DIP2A: variants seen among roughly 807,000 people sequenced by gnomAD.
DIP2A encodes the protein disco-interacting protein 2 homolog A.
A neutral mutation model predicts 177.4 loss-of-function variants in DIP2A; 85 were observed. That is an observed-to-expected ratio of 0.48 (90% CI 0.40 to 0.57). The LOEUF is 0.57. Among genes scored for constraint, DIP2A ranks in the 20% least tolerant of loss-of-function variants. The pLI, the probability that DIP2A is intolerant of heterozygous loss-of-function variation, is 0.00. For synonymous variants in DIP2A, 886 were observed against 881.8 expected, an observed-to-expected ratio of 1.00 and a Z score of -0.08; for missense variants, 1,791 against 2,100.2, an observed-to-expected ratio of 0.85 and a Z score of 2.88.
At chr21:46,472,934 C>G (rs920187685) in intron 1 of DIP2A, among the ~76,000 whole-genome samples, 3 of 152,162 alleles carry the variant, frequency 2.0e-5, no homozygotes, top group African/African-American at 7.2e-5. Flanking sequence ...ATGGTGGCCA[C>G]CAGCCACATG....
the DIP2A span, among the ~76,000 whole-genome samples, chr21:46,577,191 A>G: frequency 1.3e-5 from 2 of 152,210 alleles, no homozygotes; most frequent in Non-Finnish European, 1.5e-5. Flanking sequence ...TGTTTTCATC[A>G]TGAAATCTCT....
At chr21:46,515,985 C>T (rs1250327621) in intron 8 of DIP2A, among the ~76,000 whole-genome samples, 1 of 152,122 alleles carries the variant, frequency 6.6e-6, no homozygotes, top group African/African-American at 2.4e-5. Flanking sequence ...TATACTGTAG[C>T]TTTGCTGGCA....
intron 3 of DIP2A, among the ~76,000 whole-genome samples, chr21:46,495,232 CTCTTCTCT>C (rs2057263096): frequency 1.1e-5 from 1 of 89,138 alleles, no homozygotes; most frequent in Non-Finnish European, 2.0e-5. Flanking sequence ...CTCTTCTCTT[CTCTTCTCT>C]TCTTTCTCTC....
chr21:46,531,498 G>A (rs1329481030), intron 9 of DIP2A, among the ~76,000 whole-genome samples: 3 of 152,210 alleles, frequency 2.0e-5, no homozygotes, highest in East Asian at 3.8e-4. Context: ...GAGATTTTAT[G>A]CAACGCTTTA....
intron 8 of DIP2A, among the ~76,000 whole-genome samples, chr21:46,513,104 TTG>T (rs1491184927): frequency 6.6e-3 from 7 of 1,068 alleles, no homozygotes; most frequent in African/African-American, 0.018. Context: ...AACTTACATG[TTG>T]TTTTTTTTTC....
intron 3 of DIP2A, among the ~76,000 whole-genome samples, chr21:46,495,244 T>TCTCTCTCTCTCTCTCTC (rs2057273584): frequency 5.2e-5 from 2 of 38,178 alleles, no homozygotes; most frequent in Non-Finnish European, 9.8e-5. Context: ...CTTCTCTTCT[T>TCTCTCTCTCTCTCTCTC]TCTCTCTCTC....
chr21:46,459,105 T>G lies in DIP2A; in HGVS notation c.-27T>G. 1 of 1,464,198 alleles carries G rather than the reference T, an allele frequency of 6.8e-7. No homozygotes were observed. Among genetic ancestry groups the G allele is most frequent in the Non-Finnish European group, 9.0e-7 (1 of 1,111,484 alleles). 90.7% of individuals were successfully genotyped at this position (1,464,198 alleles called of 1,614,324 possible). On this transcript the variant is annotated 5_prime_UTR_variant, in exon 1 of 38. Transcript: ENST00000417564. Reference sequence around the variant, plus strand: ...CGCCAGGCCCGGTCCGGTTCCAGCCTCTGCCCGGACGCTAGCCGGCCTGGC... The same window carrying G: ...CGCCAGGCCCGGTCCGGTTCCAGCCGCTGCCCGGACGCTAGCCGGCCTGGC...
intron 10 of DIP2A, among the ~76,000 whole-genome samples, chr21:46,532,621 T>G (rs2059400448): frequency 6.6e-6 from 1 of 152,228 alleles, no homozygotes; most frequent in African/African-American, 2.4e-5. Flanking sequence ...TAGAAAATAA[T>G]TATTATTTCT....
chr21:46,574,167 A>T (rs1391271416), downstream of DIP2A, among the ~76,000 whole-genome samples: 1 of 152,240 alleles, frequency 6.6e-6, no homozygotes. Context: ...CCAAACTGGG[A>T]TAAAGTTAAA....
chr21:46,547,059 C>A lies in DIP2A; in HGVS notation c.2522+17C>A, dbSNP rs775497023. ...CAGAGGCAGGTGATGCGCTGCGGACCCCCACGCCGGGAGTAGATTCCTTCA... is the reference window on the plus strand; with the variant it reads ...CAGAGGCAGGTGATGCGCTGCGGACACCCACGCCGGGAGTAGATTCCTTCA... On this transcript the variant is annotated intron_variant, in intron 21 of 37. Coordinates refer to ENST00000417564, the MANE Select transcript of DIP2A (RefSeq NM_015151.4). 5.0e-6 allele frequency: 8 copies of A among 1,609,890 alleles called. No homozygotes were observed. Among genetic ancestry groups the A allele is most frequent in the Non-Finnish European group, 6.8e-6 (8 of 1,176,658 alleles).
chr21:46,547,553 T>G (rs2060102501), intron 21 of DIP2A, among the ~76,000 whole-genome samples: 1 of 152,148 alleles, frequency 6.6e-6, no homozygotes, highest in African/African-American at 2.4e-5. Context: ...AAGAGAATTT[T>G]GCTTCTTCTA....
chr21:46,566,813 C>G (rs2060852116), intron 37 of DIP2A, 130 bp downstream of exon 37: 13 of 1,262,552 alleles, frequency 1.0e-5, no homozygotes, highest in Non-Finnish European at 1.4e-5. Context: ...CATTGTCACC[C>G]TGGTCTGCAG....
intron 8 of DIP2A, among the ~76,000 whole-genome samples, chr21:46,516,020 C>T (rs2058558425): frequency 6.6e-6 from 1 of 152,100 alleles, no homozygotes; most frequent in South Asian, 2.1e-4. Flanking sequence ...GGTTATATTT[C>T]GTGGTGGTTT....
At chr21:46,546,677 C>A (rs1052821567) in intron 20 of DIP2A, among the ~76,000 whole-genome samples, 2 of 152,030 alleles carry the variant, frequency 1.3e-5, no homozygotes, top group East Asian at 3.8e-4. Flanking sequence ...TCCCATGTTG[C>A]CTCCCTTCCT....
Position 46,479,922 on chromosome 21 carries a change from G to C in DIP2A, c.92-4835G>C, listed in dbSNP as rs578220770. 1.3e-3 allele frequency among the ~76,000 whole-genome samples: 194 copies of C among 152,238 alleles called. 2 individuals are homozygous for C. The highest frequency in any genetic ancestry group is 4.4e-3 in the African/African-American group (182 of 41,548). On this transcript the variant is annotated intron_variant, in intron 1 of 37. Coordinates refer to ENST00000417564, the MANE Select transcript of DIP2A (RefSeq NM_015151.4). ...GACCCCTGTGTTTGGAAACTTTAAG[G>C]CTTGGAAAGTGAAATCTCTACGTGC...
intron 5 of DIP2A, among the ~76,000 whole-genome samples, chr21:46,499,716 T>C (rs747268526): frequency 3.3e-5 from 5 of 152,214 alleles, no homozygotes; most frequent in Non-Finnish European, 1.5e-5. Flanking sequence ...TGTATGTAGC[T>C]GGCATGTGAA....
At chr21:46,536,193 AC>A (rs1373458634) in intron 13 of DIP2A, among the ~76,000 whole-genome samples, 1 of 152,208 alleles carries the variant, frequency 6.6e-6, no homozygotes, top group Non-Finnish European at 1.5e-5. Flanking sequence ...CACAAATCAA[AC>A]CTCTCCTGTT....
chr21:46,486,907 A>C (rs578111339), intron 2 of DIP2A, among the ~76,000 whole-genome samples: 1 of 152,362 alleles, frequency 6.6e-6, no homozygotes, highest in Admixed American at 6.5e-5. Context: ...ACCTACATGC[A>C]TCAGCAAGAA....
At chr21:46,484,982 G>C (rs943860287) in intron 2 of DIP2A, among the ~76,000 whole-genome samples, 154 bp downstream of exon 2, 2 of 152,218 alleles carry the variant, frequency 1.3e-5, no homozygotes, top group African/African-American at 4.8e-5. Flanking sequence ...GGGTCTCGCT[G>C]TGTTGCCCAG....
Sources: gnomAD v4.1 joint callset for allele counts (sites outside exome capture counted in the v4.1 genomes callset) on GRCh38, gnomAD v4.1.1 for gene constraint, MANE v1.5 for transcripts, NCBI Gene and HGNC (gene_info 2026-07-23, HGNC 2026-07-21) for gene names.